PLXNA4: variants seen among roughly 807,000 people sequenced by gnomAD.
PLXNA4 encodes plexin-A4.
Under a neutral mutation model 191.8 loss-of-function variants are expected in PLXNA4, and 44 were observed. The ratio of observed to expected loss-of-function variants is 0.23; its 90% CI spans 0.18 to 0.29. The LOEUF is 0.29. Among genes scored for constraint, PLXNA4 ranks in the 10% least tolerant of loss-of-function variants. The pLI is 1.00. For synonymous variants in PLXNA4, 1,082 were observed against 1,009.5 expected (o/e 1.07, Z -1.36); for missense variants, 1,800 against 2,488.8 (o/e 0.72, Z 5.89).
intron 4 of PLXNA4, among the ~76,000 whole-genome samples, chr7:132,292,950 C>T (rs751680274): frequency 9.0e-4 from 137 of 152,266 alleles, no homozygotes; most frequent in Non-Finnish European, 7.3e-4. Flanking sequence ...GCAGAGGAAA[C>T]AGTAAGCGTG....
intron 1 of PLXNA4, among the ~76,000 whole-genome samples, chr7:132,524,112 T>C (rs1408151550): frequency 3.3e-5 from 5 of 152,178 alleles, no homozygotes; most frequent in Non-Finnish European, 7.3e-5. Flanking sequence ...GAAGTGAGGC[T>C]AAGATATCAA....
chr7:132,450,053 C>A (rs1796063323), intron 3 of PLXNA4, among the ~76,000 whole-genome samples: 1 of 152,184 alleles, frequency 6.6e-6, no homozygotes, highest in Admixed American at 6.5e-5. Flanking sequence ...TTTCTCGAGT[C>A]CCCTCTGTCC....
At chr7:132,311,224 A>G (rs1801729334) in intron 3 of PLXNA4, among the ~76,000 whole-genome samples, 1 of 144,378 alleles carries the variant, frequency 6.9e-6, no homozygotes, top group Admixed American at 6.9e-5. Context: ...GGTCAGAAGG[A>G]AGTGAGGGAT....
At chr7:132,328,805 G>T (rs73434856) in intron 3 of PLXNA4, among the ~76,000 whole-genome samples, 3,033 of 152,208 alleles carry the variant, frequency 0.02, 98 homozygotes, top group African/African-American at 0.06. Context: ...CCTCTGCACC[G>T]CAGGTGCTCT....
intron 3 of PLXNA4, among the ~76,000 whole-genome samples, chr7:132,305,707 T>C (rs1284160500): frequency 2.0e-5 from 3 of 152,138 alleles, no homozygotes; most frequent in Non-Finnish European, 4.4e-5. Flanking sequence ...CATTGAAGGA[T>C]TGAACAATAA....
chr7:132,506,211 A>C (rs904954974), intron 2 of PLXNA4, among the ~76,000 whole-genome samples: 2 of 151,970 alleles, frequency 1.3e-5, no homozygotes, highest in African/African-American at 4.8e-5. Flanking sequence ...CTCCAACCCA[A>C]ATCCCAAAGA....
intron 1 of PLXNA4, among the ~76,000 whole-genome samples, chr7:132,545,239 G>A (rs187208305): frequency 6.6e-6 from 1 of 152,208 alleles, no homozygotes; most frequent in East Asian, 1.9e-4. Context: ...TACTTCACAT[G>A]CTCCTGTGGG....
chr7:132,451,405 C>G (rs1796120084), intron 3 of PLXNA4, among the ~76,000 whole-genome samples: 2 of 152,182 alleles, frequency 1.3e-5, no homozygotes, highest in Admixed American at 1.3e-4. Context: ...CCTTCACCAC[C>G]AAGAGCCAAT....
intron 22 of PLXNA4, among the ~76,000 whole-genome samples, chr7:132,167,369 C>T (rs1039913111): frequency 2.0e-5 from 3 of 152,128 alleles, no homozygotes; most frequent in African/African-American, 7.2e-5. Context: ...ACAGCAGGTG[C>T]GAGGAAACAC....
chr7:132,413,431 T>A (rs1034095878), intron 3 of PLXNA4, among the ~76,000 whole-genome samples: 1 of 152,176 alleles, frequency 6.6e-6, no homozygotes, highest in Non-Finnish European at 1.5e-5. Context: ...GGGGGCTGTT[T>A]ATTCCACCAT....
intron 2 of PLXNA4, among the ~76,000 whole-genome samples, chr7:132,637,706 C>A (rs1270712706): frequency 6.6e-6 from 1 of 152,188 alleles, no homozygotes; most frequent in African/African-American, 2.4e-5. Context: ...GCAGAAAATC[C>A]ATCAACAAGC....
intron 29 of PLXNA4, among the ~76,000 whole-genome samples, chr7:132,142,798 T>A (rs1379122704): frequency 6.6e-6 from 1 of 152,176 alleles, no homozygotes; most frequent in Admixed American, 6.5e-5. Context: ...ACTCACGACT[T>A]CCAGCTAACG....
intron 3 of PLXNA4, among the ~76,000 whole-genome samples, chr7:132,393,193 C>CG (rs1793589229): frequency 7.3e-6 from 1 of 136,258 alleles, no homozygotes; most frequent in African/African-American, 2.9e-5. Context: ...CCCCAACACC[C>CG]CCCCCCACCA....
chr7:132,492,748 T>C (rs564754199), intron 2 of PLXNA4, among the ~76,000 whole-genome samples: 108 of 152,328 alleles, frequency 7.1e-4, no homozygotes, highest in Non-Finnish European at 9.4e-4. Flanking sequence ...TTGCACAACT[T>C]GCTCCTACTG....
At chr7:132,190,044 C>T (rs1390819575) in intron 14 of PLXNA4, among the ~76,000 whole-genome samples, 1 of 152,210 alleles carries the variant, frequency 6.6e-6, no homozygotes, top group African/African-American at 2.4e-5. Flanking sequence ...CCTGTGGCAA[C>T]CTCTGTCATC....
intron 3 of PLXNA4, among the ~76,000 whole-genome samples, chr7:132,461,655 A>G (rs1342392167): frequency 1.3e-5 from 2 of 152,272 alleles, no homozygotes; most frequent in East Asian, 3.8e-4. Flanking sequence ...AGAAAATTCT[A>G]TAAACCTTCA....
At chr7:132,462,378 G>C (rs1796538459) in intron 3 of PLXNA4, among the ~76,000 whole-genome samples, 1 of 152,074 alleles carries the variant, frequency 6.6e-6, no homozygotes. Flanking sequence ...AAACCAGGAA[G>C]CTTAAAGACA....
intron 1 of PLXNA4, among the ~76,000 whole-genome samples, chr7:132,524,676 T>A (rs541863303): frequency 3.3e-4 from 50 of 152,166 alleles, no homozygotes; most frequent in African/African-American, 1.1e-3. Flanking sequence ...CCCGGGTTCA[T>A]GCCATTCTCC....
At chr7:132,274,380 C>T (rs554360875) in intron 4 of PLXNA4, among the ~76,000 whole-genome samples, 1 of 152,156 alleles carries the variant, frequency 6.6e-6, no homozygotes, top group South Asian at 2.1e-4. Flanking sequence ...TATCCCCTTC[C>T]CCCAGCTTTT....
Sources: gnomAD v4.1 joint callset for allele counts (sites outside exome capture counted in the v4.1 genomes callset) on GRCh38, gnomAD v4.1.1 for gene constraint, MANE v1.5 for transcripts, NCBI Gene and HGNC (gene_info 2026-07-23, HGNC 2026-07-21) for gene names.